Variants in SLC10A7 observed in about 807,000 individuals in gnomAD.
SLC10A7 encodes the protein solute carrier family 10 member 7, also known as sodium/bile acid cotransporter 7.
In SLC10A7, 29 loss-of-function variants were observed where a neutral mutation model predicts 43.2. That is an observed-to-expected ratio of 0.67 (90% CI 0.50 to 0.92). The LOEUF (loss-of-function observed/expected upper bound fraction) is 0.92, where lower values mean the gene tolerates loss of function less well. Among genes scored for constraint, SLC10A7 ranks in the 40% least tolerant of loss-of-function variants. The pLI, the probability that SLC10A7 is intolerant of heterozygous loss-of-function variation, is 0.00. For missense variants in SLC10A7, 295 were observed against 403.2 expected (o/e 0.73, Z 2.30); for synonymous variants, 152 against 144.8 (o/e 1.05, Z -0.35).
chr4:146,286,321 T>A (rs79360266), intron 9 of SLC10A7, among the ~76,000 whole-genome samples: 18 of 132,368 alleles, frequency 1.4e-4, no homozygotes, highest in Non-Finnish European at 1.6e-4. Context: ...AGAAGGACTG[T>A]GTTTGGAGTG....
At chr4:146,363,113 C>T (rs762912126) in intron 5 of SLC10A7, among the ~76,000 whole-genome samples, 6 of 151,794 alleles carry the variant, frequency 4.0e-5, no homozygotes, top group Non-Finnish European at 5.9e-5. Context: ...ATGCTGCCTA[C>T]AAAAAACTCA....
chr4:146,467,756 T>C (rs567718252), intron 4 of SLC10A7, among the ~76,000 whole-genome samples: 1 of 152,110 alleles, frequency 6.6e-6, no homozygotes, highest in Non-Finnish European at 1.5e-5. Context: ...AGAGATGGGG[T>C]GTTGCCATGT....
chr4:146,443,555 A>G lies in SLC10A7; in HGVS notation c.397-734T>C, dbSNP rs148298574. On this transcript the variant is annotated intron_variant, in intron 4 of 11. Coordinates refer to ENST00000335472, the MANE Select transcript of SLC10A7 (RefSeq NM_001029998.6). ...ATTACCCAAAAAGGAAAAAACTTGT[A>G]TAACATCCAATTTGATAAAAAGAAA... 4.3e-3 allele frequency among the ~76,000 whole-genome samples: 658 copies of G among 152,364 alleles called. 2 individuals carry two copies. Among genetic ancestry groups the G allele is most frequent in the African/African-American group, 0.015 (608 of 41,592 alleles).
At chr4:146,464,451 T>G (rs369218357) in intron 4 of SLC10A7, among the ~76,000 whole-genome samples, 1 of 152,102 alleles carries the variant, frequency 6.6e-6, no homozygotes, top group Non-Finnish European at 1.5e-5. Context: ...GCTTCTGTAA[T>G]AAAAAGTTAT....
chr4:146,347,593 T>C (rs1734712023), intron 5 of SLC10A7, among the ~76,000 whole-genome samples: 1 of 152,204 alleles, frequency 6.6e-6, no homozygotes, highest in African/African-American at 2.4e-5. Flanking sequence ...CTCTGAAGAA[T>C]ATGTATTACT....
intron 6 of SLC10A7, among the ~76,000 whole-genome samples, chr4:146,310,364 G>GT (rs1327350140): frequency 6.6e-6 from 1 of 152,128 alleles, no homozygotes; most frequent in African/African-American, 2.4e-5. Flanking sequence ...GGGTTGAATG[G>GT]TAGTTCTAAG....
At chr4:146,262,061 C>CCTTA (rs1477916159) in intron 10 of SLC10A7, among the ~76,000 whole-genome samples, 8 of 152,196 alleles carry the variant, frequency 5.3e-5, no homozygotes, top group African/African-American at 1.9e-4. Flanking sequence ...TTAAAATTTT[C>CCTTA]CTTTTCAATC....
At chr4:146,292,884 T>C (rs758482849) in intron 9 of SLC10A7, 45 bp downstream of exon 9, 5 of 1,379,432 alleles carry the variant, frequency 3.6e-6, no homozygotes, top group Non-Finnish European at 4.1e-6. Context: ...GACCGCATGA[T>C]TCCTAATTTA....
chr4:146,458,108 T>C (rs1158175599), intron 4 of SLC10A7, among the ~76,000 whole-genome samples: 2 of 151,648 alleles, frequency 1.3e-5, no homozygotes, highest in Middle Eastern at 3.2e-3. Context: ...CCTAGCAATA[T>C]ATAAAAAGGA....
intron 6 of SLC10A7, among the ~76,000 whole-genome samples, chr4:146,318,547 TC>T (rs1483654011): frequency 2.6e-5 from 4 of 152,044 alleles, no homozygotes; most frequent in African/African-American, 9.7e-5. Context: ...TAGCACTTGA[TC>T]CTCTGATATC....
chr4:146,516,928 A>T (rs1436974202), intron 2 of SLC10A7, 110 bp downstream of exon 2: 3 of 766,768 alleles, frequency 3.9e-6, no homozygotes, highest in Non-Finnish European at 4.1e-6. Flanking sequence ...TGCTATAGTG[A>T]ATCCTTCAGA....
intron 5 of SLC10A7, among the ~76,000 whole-genome samples, chr4:146,424,035 G>A (rs1310291915): frequency 6.6e-6 from 1 of 152,148 alleles, no homozygotes. Context: ...AGTCCCATGA[G>A]AACAGTTGGG....
chr4:146,516,925 G>A, intron 2 of SLC10A7, 113 bp downstream of exon 2: 1 of 748,886 alleles, frequency 1.3e-6, no homozygotes, highest in Non-Finnish European at 2.1e-6. Context: ...TTCTGCTATA[G>A]TGAATCCTTC....
chr4:146,321,639 G>A (rs1732716447), intron 6 of SLC10A7, among the ~76,000 whole-genome samples: 1 of 152,054 alleles, frequency 6.6e-6, no homozygotes, highest in Non-Finnish European at 1.5e-5. Flanking sequence ...GTCTCTGTAT[G>A]TTGCCCAGGA....
chr4:146,486,139 C>G (rs1459772385), intron 4 of SLC10A7, among the ~76,000 whole-genome samples: 1 of 152,170 alleles, frequency 6.6e-6, no homozygotes, highest in African/African-American at 2.4e-5. Flanking sequence ...CATATCACAA[C>G]TCCTGAAGTA....
chr4:146,357,274 CAA>C (rs1250041952), intron 5 of SLC10A7, among the ~76,000 whole-genome samples: 1 of 152,084 alleles, frequency 6.6e-6, no homozygotes. Context: ...TAAGTGGAAA[CAA>C]GAGACTTACA....
chr4:146,503,520 T>G (rs1736610590), intron 4 of SLC10A7, among the ~76,000 whole-genome samples: 1 of 152,230 alleles, frequency 6.6e-6, no homozygotes, highest in Non-Finnish European at 1.5e-5. Flanking sequence ...ATCGCCATAC[T>G]GGATGCCCTC....
intron 4 of SLC10A7, among the ~76,000 whole-genome samples, chr4:146,492,212 T>A (rs1419362857): frequency 6.6e-6 from 1 of 150,548 alleles, no homozygotes; most frequent in African/African-American, 2.4e-5. Flanking sequence ...AGAGCGAGTC[T>A]CTGTCTCAAA....
At chr4:146,310,451 G>A (rs565399942) in intron 6 of SLC10A7, among the ~76,000 whole-genome samples, 243 of 152,192 alleles carry the variant, frequency 1.6e-3, no homozygotes, top group Non-Finnish European at 2.8e-3. Context: ...GCATAAATAA[G>A]TGTTCTCTTT....
Sources: allele counts gnomAD v4.1 joint callset (sites outside exome capture counted in the v4.1 genomes callset), GRCh38; gene constraint gnomAD v4.1.1; transcripts MANE v1.5; gene names NCBI Gene and HGNC (gene_info 2026-07-23, HGNC 2026-07-21).